The following COL5A2 variants were observed in gnomAD, a reference collection of about 807,000 sequenced individuals.
The protein encoded by COL5A2 is collagen alpha-2(V) chain.
In COL5A2, 23 loss-of-function variants were observed where a neutral mutation model predicts 208.2. That is an observed-to-expected ratio of 0.11 (90% CI 0.08 to 0.16). COL5A2 has a LOEUF of 0.16. Among genes scored for constraint, COL5A2 ranks in the 10% least tolerant of loss-of-function variants. The pLI is 1.00. For synonymous variants in COL5A2, 625 were observed against 628.5 expected (o/e 0.99, Z 0.08); for missense variants, 1,590 against 1,956.4 (o/e 0.81, Z 3.53).
the COL5A2 span, among the ~76,000 whole-genome samples, chr2:189,355,105 A>G: frequency 6.6e-6 from 1 of 152,206 alleles, no homozygotes; most frequent in Admixed American, 6.5e-5. Flanking sequence ...TGAGTTTCTC[A>G]ATCCTAAATT....
chr2:189,248,599 C>G, the COL5A2 span, among the ~76,000 whole-genome samples: 1 of 152,102 alleles, frequency 6.6e-6, no homozygotes, highest in Non-Finnish European at 1.5e-5. Flanking sequence ...TTCATAGATA[C>G]AATATATTGA....
At chr2:189,177,118 C>T (rs1425962795) in intron 1 of COL5A2, among the ~76,000 whole-genome samples, 2 of 152,100 alleles carry the variant, frequency 1.3e-5, no homozygotes, top group South Asian at 2.1e-4. Flanking sequence ...AAAATAAAAA[C>T]TTATTAATAT....
the COL5A2 span, among the ~76,000 whole-genome samples, chr2:189,255,884 G>T: frequency 6.6e-6 from 1 of 152,160 alleles, no homozygotes; most frequent in Non-Finnish European, 1.5e-5. Context: ...CACCTTGAAA[G>T]ATGAGTAAGA....
the COL5A2 span, among the ~76,000 whole-genome samples, chr2:189,292,792 G>A: frequency 6.6e-6 from 1 of 152,120 alleles, no homozygotes; most frequent in African/African-American, 2.4e-5. Context: ...CTGCTATAAA[G>A]ACACATGCAC....
At chr2:189,165,619 C>T (rs1515873) in intron 1 of COL5A2, among the ~76,000 whole-genome samples, 27,241 of 152,064 alleles carry the variant, frequency 0.18, 2,859 homozygotes, top group Non-Finnish European at 0.23. Flanking sequence ...AATATGCAGA[C>T]GAGGAGAGGA....
the COL5A2 span, among the ~76,000 whole-genome samples, chr2:189,339,073 G>A: frequency 6.6e-3 from 997 of 152,186 alleles, 13 homozygotes; most frequent in Non-Finnish European, 7.9e-3. Context: ...TTTTTCAGGC[G>A]GGCACAGTGG....
chr2:189,079,828 C>A (rs1686492056), intron 14 of COL5A2, 150 bp downstream of exon 14: 1 of 726,828 alleles, frequency 1.4e-6, no homozygotes, highest in Non-Finnish European at 2.5e-6. Flanking sequence ...GCCATTGCCA[C>A]TCATCTTTGA....
chr2:189,089,883 C>T (rs990634388), intron 7 of COL5A2, among the ~76,000 whole-genome samples: 1 of 152,142 alleles, frequency 6.6e-6, no homozygotes, highest in Non-Finnish European at 1.5e-5. Context: ...GGGTGTTCCC[C>T]ATCTCTCTTC....
the COL5A2 span, among the ~76,000 whole-genome samples, chr2:189,287,275 T>C: frequency 6.6e-6 from 1 of 152,288 alleles, no homozygotes; most frequent in East Asian, 1.9e-4. Flanking sequence ...ATTAAAGGTA[T>C]AAAATTTTTT....
chr2:189,421,156 T>C, the COL5A2 span, among the ~76,000 whole-genome samples: 8 of 152,294 alleles, frequency 5.3e-5, no homozygotes, highest in East Asian at 7.7e-4. Context: ...GTACTAATAC[T>C]CTTTACTTAA....
At chr2:189,383,374 C>T in the COL5A2 span, among the ~76,000 whole-genome samples, 33 of 152,248 alleles carry the variant, frequency 2.2e-4, no homozygotes, top group South Asian at 6.2e-4. Flanking sequence ...GCATCAGCCA[C>T]ACCAGATTAG....
the COL5A2 span, among the ~76,000 whole-genome samples, chr2:189,402,058 CTCTT>C: frequency 1.3e-5 from 2 of 151,998 alleles, no homozygotes; most frequent in East Asian, 1.9e-4. Flanking sequence ...TGCACAGAAA[CTCTT>C]TATTTTAATT....
At chr2:189,423,001 C>A in the COL5A2 span, among the ~76,000 whole-genome samples, 15 of 125,506 alleles carry the variant, frequency 1.2e-4, no homozygotes, top group African/African-American at 3.7e-4. Context: ...CCAGCCTGGG[C>A]AACAAGAGCG....
At chr2:189,333,800 T>A in the COL5A2 span, among the ~76,000 whole-genome samples, 2 of 152,102 alleles carry the variant, frequency 1.3e-5, no homozygotes, top group Non-Finnish European at 2.9e-5. Context: ...GACACACTGA[T>A]GTCAGACTTC....
the COL5A2 span, among the ~76,000 whole-genome samples, chr2:189,432,532 T>C: frequency 6.6e-5 from 10 of 152,142 alleles, no homozygotes; most frequent in African/African-American, 2.4e-4. Flanking sequence ...GTTGCAATCC[T>C]AGTCTCTGAT....
In COL5A2 at chr2:189,034,102, C is replaced by T. The variant is rs775322653; in HGVS notation, c.4468G>A (p.Gly1490Ser). The change falls in exon 54 of 54, where the codon GGC becomes AGC. Residue 1490 changes from glycine to serine, a missense_variant. By Grantham distance (56) the Gly-to-Ser change is moderately conservative. Transcript: ENST00000374866. ...VDVGGTDQEF[G>S]VEIGPVCFV Reference sequence around the variant, plus strand: ...AAACAAACTGGCCCAATTTCAACGCCGAATTCCTGGTCTGTGCCGCCAACA... The same window carrying T: ...AAACAAACTGGCCCAATTTCAACGCTGAATTCCTGGTCTGTGCCGCCAACA... 6.2e-6 allele frequency: 10 copies of T among 1,613,984 alleles called. No homozygotes were observed. Among genetic ancestry groups the T allele is most frequent in the African/African-American group, 2.7e-5 (2 of 75,006 alleles).
the COL5A2 span, among the ~76,000 whole-genome samples, chr2:189,272,432 G>A: frequency 6.6e-6 from 1 of 152,014 alleles, no homozygotes; most frequent in Non-Finnish European, 1.5e-5. Context: ...AACACCACAT[G>A]TTCTTACTCA....
At chr2:189,191,187 A>T (rs2105845784) in intron 1 of COL5A2, among the ~76,000 whole-genome samples, 2 of 151,120 alleles carry the variant, frequency 1.3e-5, no homozygotes, top group East Asian at 1.9e-4. Flanking sequence ...CAACAACAAA[A>T]AAAACCACTC....
intron 1 of COL5A2, among the ~76,000 whole-genome samples, chr2:189,163,211 AT>A (rs542068008): frequency 2.4e-4 from 37 of 152,120 alleles, no homozygotes; most frequent in African/African-American, 8.9e-4. Context: ...TCTTATTCTT[AT>A]TCTGAATGAA....
Sources: allele counts gnomAD v4.1 joint callset (sites outside exome capture counted in the v4.1 genomes callset), GRCh38; gene constraint gnomAD v4.1.1; transcripts MANE v1.5; gene names NCBI Gene and HGNC (gene_info 2026-07-23, HGNC 2026-07-21).